Variants in DSCAML1 observed in about 807,000 individuals in gnomAD.
DSCAML1 encodes the protein DS cell adhesion molecule like 1, also known as cell adhesion molecule DSCAML1.
DSCAML1 carries 38 observed loss-of-function variants against 200.5 expected under a neutral mutation model. The observed-to-expected ratio is 0.19, with a 90% CI of 0.15 to 0.25. The LOEUF is 0.25. Ranked by LOEUF, DSCAML1 falls within the 10% of genes least tolerant of loss-of-function variation. The pLI is 1.00. For missense variants in DSCAML1, 2,223 were observed against 2,858.8 expected (o/e 0.78, Z 5.07); for synonymous variants, 1,215 against 1,165.0 (o/e 1.04, Z -0.87).
chr11:117,525,737 G>A (rs2049967295), intron 4 of DSCAML1, among the ~76,000 whole-genome samples: 1 of 152,154 alleles, frequency 6.6e-6, no homozygotes, highest in Non-Finnish European at 1.5e-5. Context: ...TGAGATTACA[G>A]GCCTGAGCCA....
chr11:117,724,883 G>C (rs1591442911), intron 3 of DSCAML1, among the ~76,000 whole-genome samples: 1 of 152,294 alleles, frequency 6.6e-6, no homozygotes, highest in East Asian at 1.9e-4. Flanking sequence ...AGAGGCATGG[G>C]GGAAAGGCCT....
intron 3 of DSCAML1, among the ~76,000 whole-genome samples, chr11:117,669,621 G>C (rs532229971): frequency 1.6e-4 from 25 of 152,352 alleles, no homozygotes; most frequent in African/African-American, 6.0e-4. Flanking sequence ...AAAGATGGGA[G>C]TGTTCAGGTA....
intron 3 of DSCAML1, among the ~76,000 whole-genome samples, chr11:117,566,291 C>T (rs975245935): frequency 2.0e-5 from 3 of 151,998 alleles, no homozygotes; most frequent in African/African-American, 7.3e-5. Context: ...TGATTTCAAA[C>T]CCTACATCCT....
Position 117,518,280 on chromosome 11 carries a change from G to C in DSCAML1, c.1510+186C>G. The C allele has an allele frequency of 2.8e-6, 2 of 724,514 alleles. No individual in the cohort carries two copies. The highest frequency in any genetic ancestry group is 3.4e-5 in the South Asian group (2 of 58,388). The allele number at this position is 724,514 out of a possible 1,614,324, so 44.9% of individuals were successfully genotyped here. On this transcript the variant is annotated intron_variant, in intron 7 of 32. Transcript: ENST00000651296. The surrounding 1 kb of genome is among the most constrained non-coding windows in gnomAD (Gnocchi z 6.3). Reference sequence around the variant, plus strand: ...GGTGAACTGTACCAGACACACACACGCACACAAGAATGGATGATGGCGCTT... The same window carrying C: ...GGTGAACTGTACCAGACACACACACCCACACAAGAATGGATGATGGCGCTT...
intron 3 of DSCAML1, among the ~76,000 whole-genome samples, chr11:117,634,780 G>A (rs1046315102): frequency 4.6e-5 from 7 of 152,190 alleles, no homozygotes; most frequent in Non-Finnish European, 8.8e-5. Context: ...GGCTGCGGTC[G>A]TGGTGGTGGG....
chr11:117,454,789 A>G (rs2048342996), intron 19 of DSCAML1, among the ~76,000 whole-genome samples: 1 of 152,240 alleles, frequency 6.6e-6, no homozygotes, highest in Admixed American at 6.5e-5. Flanking sequence ...GGCATGAGCA[A>G]TCTGGGGTAA....
intron 8 of DSCAML1, among the ~76,000 whole-genome samples, chr11:117,509,687 A>T (rs2049580507): frequency 6.6e-6 from 1 of 152,192 alleles, no homozygotes; most frequent in African/African-American, 2.4e-5. Flanking sequence ...ACTCCTCCAT[A>T]TATGTACATG....
At chr11:117,429,088 T>C (rs2047730368) in intron 32 of DSCAML1, among the ~76,000 whole-genome samples, 1 of 152,170 alleles carries the variant, frequency 6.6e-6, no homozygotes, top group Non-Finnish European at 1.5e-5. Context: ...CTGGTGCAGA[T>C]AACAGCTGCC....
intron 21 of DSCAML1, among the ~76,000 whole-genome samples, chr11:117,440,191 C>A (rs2048013781): frequency 6.6e-6 from 1 of 152,100 alleles, no homozygotes; most frequent in Non-Finnish European, 1.5e-5. Context: ...ATGATTTATT[C>A]CCTGTCCTCA....
intron 3 of DSCAML1, among the ~76,000 whole-genome samples, chr11:117,743,161 G>T (rs1227102721): frequency 1.3e-5 from 2 of 152,152 alleles, no homozygotes; most frequent in African/African-American, 4.8e-5. Flanking sequence ...TAGTCCATAG[G>T]GGAGACAGAG....
chr11:117,638,435 G>A (rs2052336335), intron 3 of DSCAML1, among the ~76,000 whole-genome samples: 1 of 151,440 alleles, frequency 6.6e-6, no homozygotes, highest in African/African-American at 2.4e-5. Context: ...ACAGTTCAGT[G>A]GTTTTTAGTA....
chr11:117,785,231 C>T (rs909753406), intron 1 of DSCAML1, among the ~76,000 whole-genome samples: 4 of 152,168 alleles, frequency 2.6e-5, no homozygotes, highest in Admixed American at 2.0e-4. Context: ...GGGGGTTAAA[C>T]AATAGCACCA....
intron 16 of DSCAML1, among the ~76,000 whole-genome samples, chr11:117,468,433 A>C (rs1231793289): frequency 6.6e-6 from 1 of 152,122 alleles, no homozygotes; most frequent in African/African-American, 2.4e-5. Flanking sequence ...CTGATTCTAA[A>C]TTTTTATCGA....
chr11:117,557,499 C>T (rs964690470), intron 3 of DSCAML1, among the ~76,000 whole-genome samples: 9 of 152,176 alleles, frequency 5.9e-5, no homozygotes, highest in African/African-American at 1.2e-4. Context: ...AGTCCCTGCC[C>T]GCCTCACTCG....
At chr11:117,645,011 G>T (rs938156739) in intron 3 of DSCAML1, among the ~76,000 whole-genome samples, 3 of 152,242 alleles carry the variant, frequency 2.0e-5, no homozygotes, top group Admixed American at 2.0e-4. Context: ...CCGGTGTGGG[G>T]CCCACGCTCC....
At chr11:117,587,896 A>C (rs980107076) in intron 3 of DSCAML1, among the ~76,000 whole-genome samples, 3 of 152,090 alleles carry the variant, frequency 2.0e-5, no homozygotes, top group Non-Finnish European at 4.4e-5. Flanking sequence ...GTGAAATCAC[A>C]GCCCCTCTCT....
At chr11:117,585,756 G>C (rs976336576) in intron 3 of DSCAML1, among the ~76,000 whole-genome samples, 1 of 152,140 alleles carries the variant, frequency 6.6e-6, no homozygotes, top group Non-Finnish European at 1.5e-5. Flanking sequence ...CTCTGTCTGG[G>C]AGCACAGAGA....
Position 117,428,682 on chromosome 11 carries a change from G to C in DSCAML1, c.5808C>G (p.Thr1936=). ...TCAGGTGGCGAGCCTGGGTGTGGTA[G>C]GTTCGAGCCAGGTTCCGGATGGAGG... The part of the protein sequence containing the change: ...REASIRNLAR[T]YHTQARHLTL... The change falls in exon 33 of 33, where the codon ACC becomes ACG. Residue 1936 remains threonine (T), a synonymous_variant. Coordinates refer to ENST00000651296, the MANE Select transcript of DSCAML1 (RefSeq NM_020693.4). 1.2e-6 allele frequency: 2 copies of C among 1,612,984 alleles called. No homozygotes were observed. Among genetic ancestry groups the C allele is most frequent in the Non-Finnish European group, 1.7e-6 (2 of 1,179,680 alleles).
Position 117,680,865 on chromosome 11 carries a change from C to G in DSCAML1, c.511+95926G>C, listed in dbSNP as rs143698969. Among the ~76,000 whole-genome samples, 390 of 152,332 alleles carry G rather than the reference C, an allele frequency of 2.6e-3. 2 individuals carry two copies. Among genetic ancestry groups the G allele is most frequent in the African/African-American group, 9.0e-3 (376 of 41,576 alleles). On this transcript the variant is annotated intron_variant, in intron 3 of 32. Coordinates refer to ENST00000651296, the MANE Select transcript of DSCAML1 (RefSeq NM_020693.4). The stretch of plus-strand genomic sequence containing the variant: ...CCTGCAGCAGTGAGAACAGCAGTGA[C>G]AGCTGCGGTGACAACCCAGGGGAAG...
Sources: gnomAD v4.1 joint callset for allele counts (sites outside exome capture counted in the v4.1 genomes callset) on GRCh38, gnomAD v4.1.1 for gene constraint, Gnocchi (gnomAD v3.1) non-coding constraint, MANE v1.5 for transcripts, NCBI Gene and HGNC (gene_info 2026-07-23, HGNC 2026-07-21) for gene names.